Variants in SSPN observed in about 807,000 individuals in gnomAD.
SSPN encodes the protein sarcospan.
In SSPN, 15 loss-of-function variants were observed where a neutral mutation model predicts 19.1. The observed-to-expected ratio is 0.78, with a 90% CI of 0.52 to 1.21. The LOEUF is 1.21. Ranked by LOEUF, SSPN falls within the 50% of genes most tolerant of loss-of-function variation. SSPN has a pLI of 0.00. For synonymous variants in SSPN, 147 were observed against 140.3 expected (o/e 1.05, Z -0.34); for missense variants, 291 against 314.0 (o/e 0.93, Z 0.55).
intron 1 of SSPN, chr12:26,122,371 C>T: frequency 1.7e-6 from 2 of 1,196,940 alleles, no homozygotes; most frequent in Non-Finnish European, 2.1e-6. Flanking sequence ...AACGGGGCGG[C>T]AGCCGCCGCC....
At chr12:26,152,426 T>C (rs1004700650) in intron 1 of SSPN, among the ~76,000 whole-genome samples, 1 of 152,212 alleles carries the variant, frequency 6.6e-6, no homozygotes, top group African/African-American at 2.4e-5. Flanking sequence ...TAATTTTTAA[T>C]AATGGCTATG....
intron 1 of SSPN, among the ~76,000 whole-genome samples, chr12:26,142,956 A>G (rs1944469256): frequency 1.3e-5 from 2 of 152,160 alleles, no homozygotes; most frequent in African/African-American, 4.8e-5. Flanking sequence ...ACTTTACTGT[A>G]CCTGTATTAT....
chr12:26,147,174 G>T (rs564989553), intron 1 of SSPN, among the ~76,000 whole-genome samples: 1 of 152,240 alleles, frequency 6.6e-6, no homozygotes, highest in East Asian at 1.9e-4. Flanking sequence ...CCATATCTGA[G>T]CTTTAGCTCA....
intron 1 of SSPN, chr12:26,122,478 G>A: frequency 7.5e-7 from 1 of 1,340,316 alleles, no homozygotes; most frequent in Admixed American, 2.9e-5. Flanking sequence ...CAGGCAGAAG[G>A]GGGCCGCGGC....
upstream of SSPN, chr12:26,195,433 C>A: frequency 1.5e-6 from 1 of 648,962 alleles, no homozygotes; most frequent in Non-Finnish European, 2.2e-6. Context: ...CAAATCCTGC[C>A]CGGGGCCCGG....
At chr12:26,131,861 T>A (rs1299885771) in intron 1 of SSPN, among the ~76,000 whole-genome samples, 1 of 152,226 alleles carries the variant, frequency 6.6e-6, no homozygotes, top group Non-Finnish European at 1.5e-5. Flanking sequence ...GTAACTTGTC[T>A]GTTGTCATGT....
intron 1 of SSPN, among the ~76,000 whole-genome samples, chr12:26,138,899 T>C (rs1944443946): frequency 6.6e-6 from 1 of 152,160 alleles, no homozygotes; most frequent in Non-Finnish European, 1.5e-5. Flanking sequence ...TTTTAAACAG[T>C]GATCATGAAT....
chr12:26,165,623 C>T (rs1944616036), intron 1 of SSPN, among the ~76,000 whole-genome samples: 1 of 152,192 alleles, frequency 6.6e-6, no homozygotes, highest in African/African-American at 2.4e-5. Flanking sequence ...ACAGGCAGCC[C>T]TAGGGGCAGG....
intron 1 of SSPN, among the ~76,000 whole-genome samples, chr12:26,137,596 A>G (rs965744090): frequency 8.3e-5 from 12 of 145,256 alleles, no homozygotes; most frequent in Admixed American, 1.4e-4. Context: ...CCTTGAATAT[A>G]TATATACACA....
intron 1 of SSPN, chr12:26,211,671 C>G (rs1275525782): frequency 6.6e-6 from 1 of 152,144 alleles, no homozygotes; most frequent in African/African-American, 2.4e-5. Flanking sequence ...TTTCTAATAT[C>G]CTATAAAGCA....
intron 1 of SSPN, among the ~76,000 whole-genome samples, chr12:26,161,763 A>C (rs1944590477): frequency 1.3e-5 from 2 of 152,172 alleles, no homozygotes; most frequent in South Asian, 4.1e-4. Context: ...AAACTGTTCC[A>C]ACTCCCATCA....
chr12:26,181,505 G>A (rs901419166), intron 1 of SSPN, among the ~76,000 whole-genome samples: 3 of 151,978 alleles, frequency 2.0e-5, no homozygotes, highest in South Asian at 2.1e-4. Context: ...AAGGGAGCAC[G>A]GTAAGAACTC....
rs1945228918 is a variant in SSPN, at chr12:26,231,169, T to A, written c.*93T>A. Reference sequence around the variant, plus strand: ...ATTTTAAACAAAGAAAGGAAAAAAATTGACAATAAAAGTCACTCTTCTAAT... The same window carrying A: ...ATTTTAAACAAAGAAAGGAAAAAAAATGACAATAAAAGTCACTCTTCTAAT... On this transcript the variant is annotated 3_prime_UTR_variant, in exon 3 of 3. Transcript: ENST00000242729. The A allele has an allele frequency of 6.4e-6, 9 of 1,411,338 alleles. No homozygotes were observed. Among genetic ancestry groups the A allele is most frequent in the Non-Finnish European group, 8.4e-6 (9 of 1,077,220 alleles). 87.4% of individuals were successfully genotyped at this position (1,411,338 alleles called of 1,614,324 possible). A position where few individuals can be genotyped will look rare whatever the true frequency, so the allele number is the denominator to read the frequency against.
At chr12:26,192,329 G>A (rs1169183600), upstream of SSPN, among the ~76,000 whole-genome samples, 1 of 151,948 alleles carries the variant, frequency 6.6e-6, no homozygotes, top group Non-Finnish European at 1.5e-5. Context: ...ATCTGAAGAG[G>A]TTATTGCTTA....
chr12:26,169,050 G>T (rs1591859295), intron 1 of SSPN, among the ~76,000 whole-genome samples: 2 of 148,410 alleles, frequency 1.3e-5, no homozygotes, highest in South Asian at 4.3e-4. Context: ...AACACTTAAG[G>T]TAATGATGGT....
intron 1 of SSPN, among the ~76,000 whole-genome samples, chr12:26,159,863 G>A (rs1944577070): frequency 6.6e-6 from 1 of 152,198 alleles, no homozygotes. Context: ...CCAGTGCCTG[G>A]GAGACAGTAT....
In SSPN at chr12:26,143,268, A is replaced by G. The variant is rs114522519; in HGVS notation, c.-31+21116A>G. Among the ~76,000 whole-genome samples, 372 of 152,368 alleles carry G rather than the reference A, an allele frequency of 2.4e-3. 2 individuals are homozygous for G. The highest frequency in any genetic ancestry group is 8.6e-3 in the African/African-American group (357 of 41,584). ...GATGATGGTAGTGTATCATCTTAATATACTTGATCATCATAAGCTCCTGTG... is the reference window on the plus strand; with the variant it reads ...GATGATGGTAGTGTATCATCTTAATGTACTTGATCATCATAAGCTCCTGTG... On this transcript the variant is annotated intron_variant, in intron 1 of 2. Coordinates refer to the SSPN transcript ENST00000538142.
intron 1 of SSPN, among the ~76,000 whole-genome samples, chr12:26,189,532 C>T (rs891259140): frequency 3.3e-5 from 5 of 152,156 alleles, no homozygotes; most frequent in Non-Finnish European, 5.9e-5. Flanking sequence ...ATGTCCCCTC[C>T]TTCAGGCATC....
At chr12:26,174,943 T>C (rs1944675485) in intron 1 of SSPN, among the ~76,000 whole-genome samples, 1 of 152,212 alleles carries the variant, frequency 6.6e-6, no homozygotes, top group Non-Finnish European at 1.5e-5. Flanking sequence ...TTGGTCTGGC[T>C]TTTTTCCCTC....
Sources: gnomAD v4.1 joint callset for allele counts (sites outside exome capture counted in the v4.1 genomes callset) on GRCh38, gnomAD v4.1.1 for gene constraint, MANE v1.5 for transcripts, NCBI Gene and HGNC (gene_info 2026-07-23, HGNC 2026-07-21) for gene names.